Variants in ADARB2 observed in about 807,000 individuals in gnomAD.
ADARB2 encodes the protein inactive double-stranded RNA-specific editase B2.
ADARB2 carries 25 observed loss-of-function variants against 62.2 expected under a neutral mutation model. The observed-to-expected ratio is 0.40, with a 90% CI of 0.29 to 0.56. The LOEUF (loss-of-function observed/expected upper bound fraction) is 0.56, where lower values mean the gene tolerates loss of function less well. ADARB2 is among the 20% of genes least tolerant of loss of function. The probability of loss-of-function intolerance (pLI) is 0.43; values close to 1 mark genes in which losing one functional copy is unlikely to be tolerated. For missense variants in ADARB2, 1,071 were observed against 1,077.4 expected (o/e 0.99, Z 0.08); for synonymous variants, 572 against 500.8 (o/e 1.14, Z -1.90).
Position 1,186,678 on chromosome 10 carries a change from G to A in ADARB2, c.1865-1639C>T, listed in dbSNP as rs1260237444. ...CCCGTCATGCATCACGTGAGATGGC[G>A]GTGCCTGCAGAGAAGAACTTGGCGT... On this transcript the variant is annotated intron_variant, in intron 8 of 9. Transcript: ENST00000381312. 10 of 445,474 alleles carry A rather than the reference G, an allele frequency of 2.2e-5. No individual in the cohort carries two copies. The East Asian group carries it at 2.7e-4, about 12-fold the overall frequency. The allele number at this position is 445,474 out of a possible 1,614,324, so 27.6% of individuals were successfully genotyped here. A position where few individuals can be genotyped will look rare whatever the true frequency, so the allele number is the denominator to read the frequency against.
chr10:1,395,279 T>G (rs1223136408), intron 1 of ADARB2, among the ~76,000 whole-genome samples: 2 of 152,180 alleles, frequency 1.3e-5, no homozygotes, highest in Non-Finnish European at 2.9e-5. Context: ...CGAAGCCTAA[T>G]GCACAAGTCA....
chr10:1,639,896 A>AC (rs1337045846), intron 1 of ADARB2, among the ~76,000 whole-genome samples: 1,711 of 151,444 alleles, frequency 0.011, 24 homozygotes, highest in African/African-American at 0.034. Context: ...AAACAAACAA[A>AC]AACATGAAGA....
At chr10:1,517,302 T>C (rs545721729) in intron 1 of ADARB2, among the ~76,000 whole-genome samples, 1 of 152,342 alleles carries the variant, frequency 6.6e-6, no homozygotes, top group African/African-American at 2.4e-5. Flanking sequence ...TAATATCCAA[T>C]AGCACATATT....
rs542761694 is a variant in ADARB2 at position 1,339,964 on chromosome 10, G to A, written c.1077+23064C>T. On this transcript the variant is annotated intron_variant, in intron 3 of 9. Transcript: ENST00000381312. The stretch of plus-strand genomic sequence containing the variant: ...GGGCAGGGGTGGGCTCACAGCTGGG[G>A]GTGGGCAGTGGAGAGGGAACATGCC... 1.3e-3 allele frequency among the ~76,000 whole-genome samples: 193 copies of A among 152,178 alleles called. 2 individuals carry two copies. The highest frequency in any genetic ancestry group is 4.4e-3 in the African/African-American group (184 of 41,492).
intron 1 of ADARB2, among the ~76,000 whole-genome samples, chr10:1,609,311 T>C (rs545616171): frequency 6.6e-6 from 1 of 152,372 alleles, no homozygotes; most frequent in East Asian, 1.9e-4. Context: ...GTTCTCCTGA[T>C]GATTGCACAG....
chr10:1,480,569 G>T (rs1036873996), intron 1 of ADARB2, among the ~76,000 whole-genome samples: 1 of 152,122 alleles, frequency 6.6e-6, no homozygotes, highest in Admixed American at 6.5e-5. Flanking sequence ...GTGGTGGCTG[G>T]CACCTGTAGT....
chr10:1,395,465 T>G (rs1447307596), intron 1 of ADARB2, among the ~76,000 whole-genome samples: 2 of 152,106 alleles, frequency 1.3e-5, no homozygotes, highest in African/African-American at 2.4e-5. Flanking sequence ...CTCCTCTAAC[T>G]CCTCCAGCCC....
intron 1 of ADARB2, among the ~76,000 whole-genome samples, chr10:1,430,223 A>G (rs1409438060): frequency 6.6e-6 from 1 of 152,244 alleles, no homozygotes; most frequent in Non-Finnish European, 1.5e-5. Flanking sequence ...AGAGCAACTG[A>G]TAAGAAAACT....
chr10:1,609,389 C>T (rs1052293991), intron 1 of ADARB2, among the ~76,000 whole-genome samples: 18 of 152,218 alleles, frequency 1.2e-4, no homozygotes, highest in African/African-American at 2.9e-4. Context: ...CAGGAGGCTG[C>T]GTGCCTGGGA....
At chr10:1,378,028 G>A (rs745420945) in intron 2 of ADARB2, among the ~76,000 whole-genome samples, 3 of 152,180 alleles carry the variant, frequency 2.0e-5, no homozygotes, top group Non-Finnish European at 2.9e-5. Context: ...GACAACAGGC[G>A]TGTGCTGACC....
At chr10:1,579,787 A>G (rs1006055735) in intron 1 of ADARB2, among the ~76,000 whole-genome samples, 1 of 152,210 alleles carries the variant, frequency 6.6e-6, no homozygotes, top group African/African-American at 2.4e-5. Flanking sequence ...GTGACTTCTC[A>G]TCCCAAACCC....
At chr10:1,415,453 T>G (rs957863805) in intron 1 of ADARB2, among the ~76,000 whole-genome samples, 3 of 151,722 alleles carry the variant, frequency 2.0e-5, no homozygotes, top group African/African-American at 7.3e-5. Flanking sequence ...ACAGATGAGT[T>G]GATGAGTGGA....
intron 1 of ADARB2, among the ~76,000 whole-genome samples, chr10:1,723,367 G>A (rs1439998570): frequency 6.6e-6 from 1 of 152,202 alleles, no homozygotes; most frequent in African/African-American, 2.4e-5. Context: ...TCCTGCTCCA[G>A]GGCCTTGGTC....
intron 1 of ADARB2, among the ~76,000 whole-genome samples, chr10:1,661,789 C>G (rs745761913): frequency 2.0e-5 from 3 of 152,210 alleles, no homozygotes; most frequent in Non-Finnish European, 2.9e-5. Context: ...CAGGCACTGA[C>G]TTTCACACAC....
intron 1 of ADARB2, among the ~76,000 whole-genome samples, chr10:1,502,883 CA>C (rs1831783609): frequency 6.6e-6 from 1 of 152,200 alleles, no homozygotes; most frequent in Non-Finnish European, 1.5e-5. Context: ...GTCTGCATTT[CA>C]GAGAGATCTT....
intron 6 of ADARB2, among the ~76,000 whole-genome samples, chr10:1,225,922 C>T (rs372310759): frequency 1.6e-4 from 24 of 151,868 alleles, no homozygotes; most frequent in Non-Finnish European, 2.1e-4. Flanking sequence ...ATCTTTGTGG[C>T]GTTCTCTGTA....
At chr10:1,732,841 GTCTGCCATCCA>G (rs1415116986) in intron 1 of ADARB2, among the ~76,000 whole-genome samples, 2 of 152,198 alleles carry the variant, frequency 1.3e-5, no homozygotes, top group African/African-American at 2.4e-5. Flanking sequence ...GCAAGCCGGC[GTCTGCCATCCA>G]TCTGCTCGAC....
At chr10:1,273,526 T>C (rs1014782626) in intron 3 of ADARB2, among the ~76,000 whole-genome samples, 1 of 152,166 alleles carries the variant, frequency 6.6e-6, no homozygotes, top group African/African-American at 2.4e-5. Context: ...TGATGGTCCT[T>C]GGTTCTCCCC....
At chr10:1,642,411 T>C (rs1833988949) in intron 1 of ADARB2, among the ~76,000 whole-genome samples, 1 of 152,212 alleles carries the variant, frequency 6.6e-6, no homozygotes, top group Non-Finnish European at 1.5e-5. Context: ...GAGTTAAGTA[T>C]TAGTAAACAT....
Sources: gnomAD v4.1 joint callset for allele counts (sites outside exome capture counted in the v4.1 genomes callset) on GRCh38, gnomAD v4.1.1 for gene constraint, MANE v1.5 for transcripts, NCBI Gene and HGNC (gene_info 2026-07-23, HGNC 2026-07-21) for gene names.